CSMD1: variants seen among roughly 807,000 people sequenced by gnomAD.
CSMD1 encodes CUB and sushi domain-containing protein 1.
CSMD1 carries 213 observed loss-of-function variants against 417.5 expected under a neutral mutation model. That is an observed-to-expected ratio of 0.51 (90% CI 0.46 to 0.57). CSMD1 has a LOEUF of 0.57. Ranked by LOEUF, CSMD1 falls within the 20% of genes least tolerant of loss-of-function variation. The pLI is 0.00. For synonymous variants in CSMD1, 2,862 were observed against 1,736.8 expected (o/e 1.65, Z -16.11); for missense variants, 6,923 against 4,529.7 (o/e 1.53, Z -15.17).
At chr8:3,526,470 A>G (rs180874802) in intron 10 of CSMD1, among the ~76,000 whole-genome samples, 6 of 152,280 alleles carry the variant, frequency 3.9e-5, no homozygotes, top group Admixed American at 3.3e-4. Context: ...GAAGCTGGCT[A>G]TTCTGTAGAA....
chr8:3,235,831 C>T (rs1799116324), intron 26 of CSMD1, among the ~76,000 whole-genome samples: 1 of 151,336 alleles, frequency 6.6e-6, no homozygotes, highest in African/African-American at 2.4e-5. Context: ...AAGTTTTAAA[C>T]TTGTGAAGTT....
intron 1 of CSMD1, among the ~76,000 whole-genome samples, chr8:4,670,081 C>T (rs758574691): frequency 6.6e-6 from 1 of 152,100 alleles, no homozygotes; most frequent in Non-Finnish European, 1.5e-5. Flanking sequence ...GGTTTGGTGC[C>T]CCCACGTCCA....
chr8:3,998,893 T>A (rs964853057), intron 4 of CSMD1, among the ~76,000 whole-genome samples: 2 of 149,542 alleles, frequency 1.3e-5, no homozygotes, highest in Non-Finnish European at 3.0e-5. Flanking sequence ...ACATATAATC[T>A]ATATGGTAGT....
intron 1 of CSMD1, among the ~76,000 whole-genome samples, chr8:4,853,209 G>T (rs76315001): frequency 0.059 from 9,043 of 152,210 alleles, 306 homozygotes; most frequent in African/African-American, 0.082. Flanking sequence ...AAGACAATGG[G>T]ATAAAGCCCT....
chr8:3,621,198 C>T (rs369330054), intron 7 of CSMD1, among the ~76,000 whole-genome samples: 3 of 152,296 alleles, frequency 2.0e-5, no homozygotes, highest in African/African-American at 7.2e-5. Flanking sequence ...GTTGTTTAAG[C>T]CACTCGGCGA....
intron 6 of CSMD1, among the ~76,000 whole-genome samples, chr8:3,728,228 G>A (rs950861254): frequency 6.6e-6 from 1 of 152,106 alleles, no homozygotes; most frequent in Non-Finnish European, 1.5e-5. Context: ...GTTTTACAAA[G>A]GGAAACCCCT....
chr8:4,394,277 A>C (rs1048904432), intron 3 of CSMD1, among the ~76,000 whole-genome samples: 8 of 152,222 alleles, frequency 5.3e-5, no homozygotes, highest in African/African-American at 1.9e-4. Flanking sequence ...TGACATATAT[A>C]ATGAAGTTGA....
At chr8:3,768,723 T>C (rs1644219073) in intron 5 of CSMD1, among the ~76,000 whole-genome samples, 1 of 152,236 alleles carries the variant, frequency 6.6e-6, no homozygotes, top group Non-Finnish European at 1.5e-5. Context: ...ATTTCTTTAT[T>C]AACACGCAAA....
intron 1 of CSMD1, among the ~76,000 whole-genome samples, chr8:4,716,664 A>G (rs1240978315): frequency 6.6e-6 from 1 of 152,230 alleles, no homozygotes; most frequent in African/African-American, 2.4e-5. Flanking sequence ...TAAGAAAAGT[A>G]TTTAAATTCT....
intron 1 of CSMD1, among the ~76,000 whole-genome samples, chr8:4,908,251 G>C (rs1585306361): frequency 6.6e-6 from 1 of 152,036 alleles, no homozygotes; most frequent in South Asian, 2.1e-4. Context: ...TATTCTGTAG[G>C]GTAAAGTATT....
At chr8:4,426,960 T>A (rs571113065) in intron 2 of CSMD1, among the ~76,000 whole-genome samples, 1 of 152,060 alleles carries the variant, frequency 6.6e-6, no homozygotes. Context: ...GGTCACTGGA[T>A]AAGACTGGCC....
intron 41 of CSMD1, among the ~76,000 whole-genome samples, chr8:3,138,799 C>A (rs923369977): frequency 6.6e-6 from 1 of 152,304 alleles, no homozygotes; most frequent in African/African-American, 2.4e-5. Context: ...GAAATAAGAG[C>A]TTAGCCAGAG....
At chr8:3,584,610 G>C (rs7816028) in intron 9 of CSMD1, among the ~76,000 whole-genome samples, 4,845 of 152,156 alleles carry the variant, frequency 0.032, 249 homozygotes, top group African/African-American at 0.11. Flanking sequence ...GGCCAAGAAA[G>C]GCAATGTCAT....
chr8:3,271,397 A>G (rs1394896669), intron 26 of CSMD1, among the ~76,000 whole-genome samples: 1 of 151,944 alleles, frequency 6.6e-6, no homozygotes, highest in African/African-American at 2.4e-5. Context: ...ATACGTGTAC[A>G]TGTGTCTTTA....
chr8:3,887,604 C>T (rs940160), intron 5 of CSMD1, among the ~76,000 whole-genome samples: 31,059 of 152,038 alleles, frequency 0.2, 3,461 homozygotes, highest in East Asian at 0.28. Context: ...TTTAAAGCTC[C>T]CCAGGTAATT....
At chr8:3,531,250 T>A (rs1352119889) in intron 10 of CSMD1, among the ~76,000 whole-genome samples, 1 of 152,182 alleles carries the variant, frequency 6.6e-6, no homozygotes, top group East Asian at 1.9e-4. Context: ...TCCCATTTCC[T>A]CTGGCTTTTA....
At chr8:3,953,341 G>A (rs188414719) in intron 5 of CSMD1, among the ~76,000 whole-genome samples, 3 of 152,156 alleles carry the variant, frequency 2.0e-5, no homozygotes, top group South Asian at 2.1e-4. Flanking sequence ...TACATAGTAT[G>A]TATAAACATT....
intron 3 of CSMD1, among the ~76,000 whole-genome samples, chr8:4,180,191 T>G (rs972969313): frequency 6.6e-6 from 1 of 152,018 alleles, no homozygotes; most frequent in Non-Finnish European, 1.5e-5. Context: ...TGTCCAACAA[T>G]GATAGACTGG....
chr8:4,904,136 G>T (rs546164573), intron 1 of CSMD1, among the ~76,000 whole-genome samples: 4 of 152,238 alleles, frequency 2.6e-5, no homozygotes, highest in African/African-American at 9.6e-5. Context: ...CATTTCTGGA[G>T]TCAGAGGAAG....
Sources: gnomAD v4.1 joint callset for allele counts (sites outside exome capture counted in the v4.1 genomes callset) on GRCh38, gnomAD v4.1.1 for gene constraint, MANE v1.5 for transcripts, NCBI Gene and HGNC (gene_info 2026-07-23, HGNC 2026-07-21) for gene names.